The following DNAH14 variants were observed in gnomAD, a reference collection of about 807,000 sequenced individuals.
The protein encoded by DNAH14 is dynein axonemal heavy chain 14.
Under a neutral mutation model 520.9 loss-of-function variants are expected in DNAH14, and 478 were observed. That is an observed-to-expected ratio of 0.92 (90% CI 0.85 to 0.99). The LOEUF is 0.99. Ranked by LOEUF, DNAH14 falls within the 50% of genes least tolerant of loss-of-function variation. The pLI is 0.00. For missense variants in DNAH14, 4,831 were observed against 5,234.5 expected, an observed-to-expected ratio of 0.92 and a Z score of 2.38; for synonymous variants, 1,581 against 1,757.2, an observed-to-expected ratio of 0.90 and a Z score of 2.51.
At position 224,952,711 on chromosome 1, in the gene DNAH14, G is replaced by A. The variant is rs192193099; in HGVS notation, c.9G>A (p.Thr3=). The change falls in exon 2 of 86, where the codon ACG becomes ACA. Residue 3 remains threonine (T), a synonymous_variant. Coordinates refer to ENST00000682510, the MANE Select transcript of DNAH14 (RefSeq NM_001367479.1). ME[T]FIPIDLTTEN... is the part of the protein sequence containing the mutation. ...TTTGTTCAGAAAAACATATGGAGAC[G>A]TTTATACCCATTGATTTGACAACTG... 60 of 1,600,642 alleles carry A rather than the reference G, an allele frequency of 3.7e-5. No homozygotes were observed. The East Asian group carries it at 1.0e-3, about 28-fold the overall frequency.
At chr1:225,390,943 G>A (rs1036248728) in intron 83 of DNAH14, among the ~76,000 whole-genome samples, 1 of 152,062 alleles carries the variant, frequency 6.6e-6, no homozygotes, top group Admixed American at 6.6e-5. Context: ...TTCTGGGGGT[G>A]GGGGGAAACT....
chr1:225,003,064 T>C (rs2063887174), intron 9 of DNAH14, 137 bp downstream of exon 9: 2 of 803,532 alleles, frequency 2.5e-6, no homozygotes, highest in Non-Finnish European at 1.8e-6. Flanking sequence ...TTCTAAAATA[T>C]CTGCAAAGAA....
chr1:225,065,528 A>G (rs1572825227), intron 17 of DNAH14, among the ~76,000 whole-genome samples: 1 of 151,404 alleles, frequency 6.6e-6, no homozygotes, highest in Non-Finnish European at 1.5e-5. Flanking sequence ...TCCCCCACCC[A>G]TAGCCTTTAG....
chr1:225,211,350 A>C (rs190178700), intron 41 of DNAH14, among the ~76,000 whole-genome samples: 1 of 152,212 alleles, frequency 6.6e-6, no homozygotes, highest in Non-Finnish European at 1.5e-5. Context: ...AGAGAACTTC[A>C]TGAAGCATAC....
At chr1:225,324,036 G>A (rs1045459066) in intron 62 of DNAH14, among the ~76,000 whole-genome samples, 186 bp from the exon 63 acceptor site, 5 of 151,930 alleles carry the variant, frequency 3.3e-5, no homozygotes, top group African/African-American at 7.3e-5. Context: ...GGCTGGTCTC[G>A]AACTCCTGAC....
At chr1:224,945,986 T>C (rs1016154378) in intron 1 of DNAH14, among the ~76,000 whole-genome samples, 1 of 152,256 alleles carries the variant, frequency 6.6e-6, no homozygotes, top group Non-Finnish European at 1.5e-5. Flanking sequence ...TCCAGCTGCA[T>C]GCTGGGAGAA....
chr1:225,217,793 C>T (rs375231202), intron 41 of DNAH14, among the ~76,000 whole-genome samples: 3 of 152,090 alleles, frequency 2.0e-5, no homozygotes, highest in Admixed American at 6.5e-5. Flanking sequence ...TTCCAGGTAC[C>T]GTCTGTCACG....
At chr1:225,338,235 A>C (rs988962057) in intron 68 of DNAH14, 53 bp downstream of exon 68, 9 of 1,538,612 alleles carry the variant, frequency 5.8e-6, no homozygotes, top group Admixed American at 3.9e-5. Flanking sequence ...TAAGATAAAT[A>C]ATATTGAATG....
Position 225,002,934 on chromosome 1 carries a change from A to G in DNAH14, c.975+7A>G, listed in dbSNP as rs1287058935. On this transcript the variant is annotated splice_region_variant and intron_variant, in intron 9 of 85. Coordinates refer to ENST00000682510, the MANE Select transcript of DNAH14 (RefSeq NM_001367479.1). ...TGCCATATGCCTTGTAAAGGTGAGT[A>G]GAAGTATACTACTATAAGCTAATAT... The G allele has an allele frequency of 1.3e-6, 2 of 1,538,972 alleles. No homozygotes were observed. The highest frequency in any genetic ancestry group is 1.8e-6 in the Non-Finnish European group (2 of 1,141,440).
chr1:225,042,141 G>A (rs772560797), intron 12 of DNAH14, among the ~76,000 whole-genome samples: 2 of 152,158 alleles, frequency 1.3e-5, no homozygotes, highest in Non-Finnish European at 2.9e-5. Context: ...GCCTTAATTT[G>A]TTAATGTCTG....
chr1:225,393,809 TTTTTG>T (rs1470809586), intron 84 of DNAH14, among the ~76,000 whole-genome samples: 9 of 145,142 alleles, frequency 6.2e-5, no homozygotes, highest in East Asian at 3.9e-4. Context: ...GATATATCTT[TTTTTG>T]TTTTTTTTTT....
rs754276854 is a variant in DNAH14, at chr1:225,051,719, A to T, written c.2348A>T (p.Tyr783Phe). The part of the protein sequence containing the change: ...SLDYQSECLL[Y>F]IDNVIHMSHT... ...GATTATCAATCAGAATGCTTACTGTATATTGACAACGTCATACATATGAGC... is the reference window on the plus strand; with the variant it reads ...GATTATCAATCAGAATGCTTACTGTTTATTGACAACGTCATACATATGAGC... Residue 783 changes from tyrosine (Y) to phenylalanine (F), a missense_variant, in exon 17 of 86, where the codon TAT becomes TTT. Coordinates refer to ENST00000682510, the MANE Select transcript of DNAH14 (RefSeq NM_001367479.1). 40 of 1,550,990 alleles carry T rather than the reference A, an allele frequency of 2.6e-5. No individual in the cohort carries two copies. Among genetic ancestry groups the T allele is most frequent in the Non-Finnish European group, 1.4e-5 (16 of 1,146,726 alleles).
At chr1:225,200,302 G>A (rs1022547861) in intron 38 of DNAH14, among the ~76,000 whole-genome samples, 3 of 152,150 alleles carry the variant, frequency 2.0e-5, no homozygotes, top group Non-Finnish European at 4.4e-5. Context: ...TGTCTTTTAA[G>A]TGGAGCATTT....
chr1:224,977,540 G>A (rs546049159), intron 8 of DNAH14, among the ~76,000 whole-genome samples: 15 of 152,204 alleles, frequency 9.9e-5, no homozygotes, highest in African/African-American at 3.4e-4. Flanking sequence ...ATCAAGAGGA[G>A]GGAAGGAAAC....
intron 60 of DNAH14, among the ~76,000 whole-genome samples, chr1:225,316,203 G>A (rs918749896): frequency 1.3e-5 from 2 of 152,128 alleles, no homozygotes; most frequent in Admixed American, 1.3e-4. Context: ...CCCCTCCCCC[G>A]ACCAAGCTCA....
chr1:225,239,010 T>A (rs1328463250), intron 42 of DNAH14, among the ~76,000 whole-genome samples: 1 of 152,158 alleles, frequency 6.6e-6, no homozygotes, highest in East Asian at 1.9e-4. Flanking sequence ...AGATGGAAGC[T>A]GCCCTGCCCC....
At chr1:225,267,811 G>T (rs1347416604) in intron 49 of DNAH14, among the ~76,000 whole-genome samples, 1 of 151,658 alleles carries the variant, frequency 6.6e-6, no homozygotes, top group African/African-American at 2.4e-5. Context: ...AAACTGGCAT[G>T]TGAGCGCTAT....
At chr1:225,007,792 T>C (rs928517034) in intron 10 of DNAH14, among the ~76,000 whole-genome samples, 14 of 152,128 alleles carry the variant, frequency 9.2e-5, no homozygotes, top group African/African-American at 3.4e-4. Flanking sequence ...ATACAACTTA[T>C]GAAATTTAAT....
chr1:225,346,057 G>T lies in DNAH14; in HGVS notation c.10774G>T (p.Ala3592Ser), dbSNP rs1436474802. Residue 3592 changes from alanine to serine, a missense_variant, in exon 70 of 86, where the codon GCT becomes TCT. Transcript: ENST00000682510. ...ISKRIEATKK[A>S]ESEIQAIRKN... ...AAAGCGCATCGAAGCAACAAAAAAA[G>T]CTGAAAGTGAAATCCAAGCAATACG... 1 of 1,551,498 alleles carries T rather than the reference G, an allele frequency of 6.4e-7. No homozygotes were observed. The highest frequency in any genetic ancestry group is 8.7e-7 in the Non-Finnish European group (1 of 1,146,978).
Sources: allele counts gnomAD v4.1 joint callset (sites outside exome capture counted in the v4.1 genomes callset), GRCh38; gene constraint gnomAD v4.1.1; transcripts MANE v1.5; gene names NCBI Gene and HGNC (gene_info 2026-07-23, HGNC 2026-07-21).